The following KIF20B variants were observed in gnomAD, a reference collection of about 807,000 sequenced individuals.
The protein encoded by KIF20B is kinesin family member 20B, also known as kinesin-like protein KIF20B.
In KIF20B, 188 loss-of-function variants were observed where a neutral mutation model predicts 232.5. The ratio of observed to expected loss-of-function variants is 0.81; its 90% CI spans 0.72 to 0.91. The LOEUF is 0.91. Ranked by LOEUF, KIF20B falls within the 40% of genes least tolerant of loss-of-function variation. The pLI, the probability that KIF20B is intolerant of heterozygous loss-of-function variation, is 0.00. For missense variants in KIF20B, 2,154 were observed against 2,055.9 expected, an observed-to-expected ratio of 1.05 and a Z score of -0.92; for synonymous variants, 712 against 683.0, an observed-to-expected ratio of 1.04 and a Z score of -0.66.
chr10:89,731,291 A>G (rs1175541560), intron 18 of KIF20B, among the ~76,000 whole-genome samples: 2 of 152,240 alleles, frequency 1.3e-5, no homozygotes, highest in African/African-American at 4.8e-5. Context: ...ATATATTAGC[A>G]ATATTTAAGG....
chr10:89,736,274 T>C (rs1203509196), intron 19 of KIF20B, among the ~76,000 whole-genome samples: 1 of 152,150 alleles, frequency 6.6e-6, no homozygotes, highest in Non-Finnish European at 1.5e-5. Flanking sequence ...TAATGGAAAT[T>C]GTATGAAATA....
chr10:89,710,895 TA>T, intron 5 of KIF20B, 65 bp from the exon 6 acceptor site: 3 of 1,320,400 alleles, frequency 2.3e-6, no homozygotes, highest in Non-Finnish European at 3.1e-6. Context: ...GGAGCTTTAA[TA>T]AACAAGTAAA....
At chr10:89,764,046 C>T (rs1054969410) in intron 29 of KIF20B, among the ~76,000 whole-genome samples, 1 of 111,072 alleles carries the variant, frequency 9.0e-6, no homozygotes, top group South Asian at 3.9e-4. Context: ...TCCCTCCCCC[C>T]TCCCCCCACC....
chr10:89,757,067 T>TATATATATATATATATATATATAC (rs1842143769), intron 26 of KIF20B, among the ~76,000 whole-genome samples: 2 of 132,054 alleles, frequency 1.5e-5, no homozygotes, highest in Non-Finnish European at 3.1e-5. Flanking sequence ...TATATATATA[T>TATATATATATATATATATATATAC]ATACACACAT....
At chr10:89,701,950 C>T (rs1404179718) in intron 1 of KIF20B, among the ~76,000 whole-genome samples, 1 of 152,208 alleles carries the variant, frequency 6.6e-6, no homozygotes, top group Non-Finnish European at 1.5e-5. Flanking sequence ...TAATCTCTCT[C>T]TGTACCTTAG....
intron 4 of KIF20B, 118 bp from the exon 5 acceptor site, chr10:89,709,809 G>A (rs1344127341): frequency 1.4e-6 from 1 of 713,848 alleles, no homozygotes; most frequent in Non-Finnish European, 2.1e-6. Flanking sequence ...GAGTGGGGAT[G>A]TGGCACCTAT....
Position 89,752,580 on chromosome 10 carries a change from G to C in KIF20B, c.4236G>C (p.Trp1412Cys). The C allele has an allele frequency of 6.2e-7, 1 of 1,600,046 alleles. No individual in the cohort carries two copies. Among genetic ancestry groups the C allele is most frequent in the Non-Finnish European group, 8.5e-7 (1 of 1,173,216 alleles). Residue 1412 changes from tryptophan to cysteine, a missense_variant, in exon 25 of 33, where the codon TGG becomes TGC. Trp to Cys is a radical substitution (Grantham distance 215). Coordinates refer to ENST00000371728, the MANE Select transcript of KIF20B (RefSeq NM_001284259.2). ...VERLATELEK[W>C]KEKCNDLETK... is the part of the protein sequence containing the mutation. Reference sequence around the variant, plus strand: ...TCTTCAAATCAGAATTGGAAAAATGGAAGGAAAAATGCAATGATTTGGAAA... The same window carrying C: ...TCTTCAAATCAGAATTGGAAAAATGCAAGGAAAAATGCAATGATTTGGAAA...
chr10:89,739,818 A>G (rs568236253), intron 21 of KIF20B, among the ~76,000 whole-genome samples: 1 of 152,132 alleles, frequency 6.6e-6, no homozygotes, highest in East Asian at 1.9e-4. Context: ...ATTTAACCAT[A>G]TTTTTTAATC....
At chr10:89,769,697 A>T (rs1253040520) in intron 31 of KIF20B, among the ~76,000 whole-genome samples, 1 of 151,986 alleles carries the variant, frequency 6.6e-6, no homozygotes, top group African/African-American at 2.4e-5. Flanking sequence ...GTGTGCACAT[A>T]TGCGGAAGGA....
intron 10 of KIF20B, 23 bp from the exon 11 acceptor site, chr10:89,717,553 G>A (rs1842959793): frequency 1.9e-6 from 3 of 1,596,000 alleles, no homozygotes; most frequent in South Asian, 2.3e-5. Context: ...AACTTTTAAA[G>A]TACTTTTTTT....
At chr10:89,707,640 C>A (rs1435717404) in intron 2 of KIF20B, among the ~76,000 whole-genome samples, 4 of 149,938 alleles carry the variant, frequency 2.7e-5, no homozygotes, top group Non-Finnish European at 5.9e-5. Flanking sequence ...TTTTTTCTTC[C>A]CCCATCCCCT....
intron 29 of KIF20B, among the ~76,000 whole-genome samples, chr10:89,765,859 G>C (rs1489582186): frequency 6.6e-6 from 1 of 152,150 alleles, no homozygotes; most frequent in African/African-American, 2.4e-5. Context: ...TAGAGTTTCT[G>C]CCGAGAGATC....
intron 20 of KIF20B, 34 bp downstream of exon 20, chr10:89,738,651 A>G (rs753244543): frequency 7.3e-6 from 11 of 1,511,758 alleles, no homozygotes; most frequent in South Asian, 4.1e-5. Context: ...ATTTTAAAAT[A>G]CACAAAGCAT....
chr10:89,722,663 C>G (rs1048544727), intron 13 of KIF20B, among the ~76,000 whole-genome samples: 1 of 151,892 alleles, frequency 6.6e-6, no homozygotes, highest in Admixed American at 6.6e-5. Flanking sequence ...AGTGAGACTC[C>G]GTCTCAAAAA....
rs529899013 is a variant in KIF20B, at chr10:89,742,376, ACTTGTC to A, written c.3916-1425_3916-1420del. Among the ~76,000 whole-genome samples the A allele has an allele frequency of 1.4e-3, 213 of 152,250 alleles. 2 individuals are homozygous for A. The highest frequency in any genetic ancestry group is 4.8e-3 in the African/African-American group (198 of 41,564). ...ACATATCCCCTGTGGATAAGGGGGA[ACTTGTC>A]CTTGTCTAAGTTCACTTGTCTTAGT... On this transcript the variant is annotated intron_variant, in intron 21 of 32. Transcript: ENST00000371728.
At chr10:89,760,397 G>T (rs1338381373) in intron 27 of KIF20B, 129 bp from the exon 28 acceptor site, 1 of 617,228 alleles carries the variant, frequency 1.6e-6, no homozygotes, top group African/African-American at 1.9e-5. Flanking sequence ...GTAATTAAAG[G>T]TGTCTTTACT....
At position 89,774,133 on chromosome 10, in the gene KIF20B, T is replaced by C; in HGVS notation, c.*85T>C. ...TGTATTGTAAATATAAATGTATATA[T>C]TATGCATTAAATCACTCTGCATATA... On this transcript the variant is annotated 3_prime_UTR_variant, in exon 33 of 33. Coordinates refer to ENST00000371728, the MANE Select transcript of KIF20B (RefSeq NM_001284259.2). 1.3e-6 allele frequency: 1 copy of C among 754,142 alleles called. No individual in the cohort carries two copies. Among genetic ancestry groups the C allele is most frequent in the Middle Eastern group, 3.9e-4 (1 of 2,576 alleles). 46.7% of individuals were successfully genotyped at this position (754,142 alleles called of 1,614,324 possible).
At position 89,726,399 on chromosome 10, in the gene KIF20B, T is replaced by C. The variant is rs1843187675; in HGVS notation, c.2108T>C (p.Leu703Pro). 4.4e-6 allele frequency: 7 copies of C among 1,583,884 alleles called. No individual in the cohort carries two copies. Among genetic ancestry groups the C allele is most frequent in the Non-Finnish European group, 6.0e-6 (7 of 1,162,112 alleles). ...AEIAHLYIAS[L>P]PDPQEATACL... ...ATTGCTCACTTATATATTGCATCTC[T>C]TCCTGACCCCCAGGAAGCTACTGCT... The change falls in exon 16 of 33, where the codon CTT becomes CCT. Residue 703 changes from leucine to proline, a missense_variant. By Grantham distance (98) the Leu-to-Pro change is moderately conservative. Transcript: ENST00000371728.
rs1842532466 is a variant in KIF20B at position 89,774,646 on chromosome 10, A to G, written c.*598A>G. On this transcript the variant is annotated 3_prime_UTR_variant, in exon 33 of 33. Transcript: ENST00000371728. ...ATACGTGTATCATGGAGAATGAGGT[A>G]TCCATCCCCTCAAGCATTTTTCCTT... 6.6e-6 allele frequency: 1 copy of G among 152,048 alleles called. No individual in the cohort carries two copies. The highest frequency in any genetic ancestry group is 2.4e-5 in the African/African-American group (1 of 41,438). The allele number at this position is 152,048 out of a possible 1,614,324, so 9.4% of individuals were successfully genotyped here. A position where few individuals can be genotyped will look rare whatever the true frequency, so the allele number is the denominator to read the frequency against.
Sources: gnomAD v4.1 joint callset for allele counts (sites outside exome capture counted in the v4.1 genomes callset) on GRCh38, gnomAD v4.1.1 for gene constraint, MANE v1.5 for transcripts, NCBI Gene and HGNC (gene_info 2026-07-23, HGNC 2026-07-21) for gene names.